Variants in SGCD observed in about 807,000 individuals in gnomAD.
The protein encoded by SGCD is delta-sarcoglycan.
Under a neutral mutation model 36.6 loss-of-function variants are expected in SGCD, and 18 were observed. The observed-to-expected ratio is 0.49, with a 90% CI of 0.34 to 0.73. The LOEUF is 0.73. Among genes scored for constraint, SGCD ranks in the 30% least tolerant of loss-of-function variants. The pLI is 0.01. For synonymous variants in SGCD, 133 were observed against 130.6 expected, an observed-to-expected ratio of 1.02 and a Z score of -0.12; for missense variants, 387 against 346.7, an observed-to-expected ratio of 1.12 and a Z score of -0.92.
intron 1 of SGCD, among the ~76,000 whole-genome samples, chr5:156,067,811 C>A (rs1205178170): frequency 7.2e-6 from 1 of 139,108 alleles, no homozygotes; most frequent in Non-Finnish European, 1.5e-5. Flanking sequence ...GCGCACGGTG[C>A]GCACACACAC....
intron 3 of SGCD, among the ~76,000 whole-genome samples, chr5:156,422,180 G>C (rs10476390): frequency 0.47 from 70,777 of 151,804 alleles, 16,684 homozygotes; most frequent in Middle Eastern, 0.59. Context: ...ACTGTTTGCT[G>C]TGAGCAGGAG....
chr5:155,769,551 GC>G, the SGCD span, among the ~76,000 whole-genome samples: 29 of 152,070 alleles, frequency 1.9e-4, no homozygotes, highest in African/African-American at 7.0e-4. Context: ...TTGAATGGTA[GC>G]CAGGATGGAA....
chr5:156,688,634 A>G (rs1272246887), intron 7 of SGCD, among the ~76,000 whole-genome samples: 1 of 152,216 alleles, frequency 6.6e-6, no homozygotes, highest in Non-Finnish European at 1.5e-5. Context: ...GTCTGATCAC[A>G]GTGAAGAAAC....
At chr5:156,461,204 G>A (rs1400447316) in intron 3 of SGCD, among the ~76,000 whole-genome samples, 3 of 152,124 alleles carry the variant, frequency 2.0e-5, no homozygotes, top group East Asian at 1.9e-4. Flanking sequence ...ATGTAAAAAT[G>A]TCAGAATATG....
At chr5:155,773,576 A>G in the SGCD span, among the ~76,000 whole-genome samples, 2 of 152,236 alleles carry the variant, frequency 1.3e-5, no homozygotes, top group African/African-American at 2.4e-5. Flanking sequence ...GGGTATTGTC[A>G]TTGCCCAGGA....
the SGCD span, among the ~76,000 whole-genome samples, chr5:155,759,070 A>G: frequency 6.6e-6 from 1 of 151,796 alleles, no homozygotes; most frequent in Non-Finnish European, 1.5e-5. Flanking sequence ...TCAAACTTCT[A>G]GGCTCAAGTG....
chr5:156,287,701 A>T (rs1372034448), intron 3 of SGCD, among the ~76,000 whole-genome samples: 1 of 151,622 alleles, frequency 6.6e-6, no homozygotes, highest in African/African-American at 2.4e-5. Flanking sequence ...ATGTATATAT[A>T]TTCATCGATA....
At chr5:155,731,485 C>T in the SGCD span, among the ~76,000 whole-genome samples, 11 of 152,058 alleles carry the variant, frequency 7.2e-5, no homozygotes, top group African/African-American at 2.4e-4. Context: ...AGTAGCCAGC[C>T]CTTGGTTCAT....
At chr5:156,229,277 CATATATATATAT>C (rs570200528) in intron 3 of SGCD, among the ~76,000 whole-genome samples, 3 of 56,476 alleles carry the variant, frequency 5.3e-5, no homozygotes, top group Non-Finnish European at 9.9e-5. Context: ...TATATACATA[CATATATATATAT>C]ATATATATAT....
intron 7 of SGCD, among the ~76,000 whole-genome samples, chr5:156,673,487 T>C (rs1360349118): frequency 6.6e-6 from 1 of 152,212 alleles, no homozygotes; most frequent in Admixed American, 6.5e-5. Flanking sequence ...TACCCAGTTA[T>C]ACCTTTCATT....
chr5:155,975,348 A>G (rs1306870146), intron 1 of SGCD, among the ~76,000 whole-genome samples: 1 of 152,112 alleles, frequency 6.6e-6, no homozygotes, highest in Non-Finnish European at 1.5e-5. Flanking sequence ...ATTTGGCAGT[A>G]TCTGGAGACT....
chr5:156,232,481 T>C (rs1009726303), intron 3 of SGCD, among the ~76,000 whole-genome samples: 26 of 152,334 alleles, frequency 1.7e-4, no homozygotes, highest in African/African-American at 6.3e-4. Context: ...ACCCGTCTTA[T>C]ATTTGTGAGC....
At chr5:156,696,050 G>T (rs1404564440) in intron 7 of SGCD, among the ~76,000 whole-genome samples, 1 of 152,190 alleles carries the variant, frequency 6.6e-6, no homozygotes, top group Non-Finnish European at 1.5e-5. Flanking sequence ...TTTACAACCT[G>T]TTCTGGGTAC....
intron 1 of SGCD, among the ~76,000 whole-genome samples, chr5:156,036,720 T>C (rs966760728): frequency 6.6e-6 from 1 of 152,208 alleles, no homozygotes; most frequent in African/African-American, 2.4e-5. Context: ...GGAATTTCCC[T>C]TGGAGAGACT....
chr5:156,473,138 G>A (rs535316214), intron 3 of SGCD, among the ~76,000 whole-genome samples: 16 of 152,032 alleles, frequency 1.1e-4, no homozygotes, highest in Admixed American at 4.6e-4. Flanking sequence ...TATTTCAGCC[G>A]TTTGCCTCTT....
chr5:156,460,536 A>G (rs1409013014), intron 3 of SGCD, among the ~76,000 whole-genome samples: 1 of 152,178 alleles, frequency 6.6e-6, no homozygotes, highest in Non-Finnish European at 1.5e-5. Context: ...GAGACCAGAC[A>G]GTGATGGATC....
At chr5:155,978,363 C>G (rs964746079) in intron 1 of SGCD, among the ~76,000 whole-genome samples, 11 of 152,188 alleles carry the variant, frequency 7.2e-5, no homozygotes, top group Admixed American at 3.3e-4. Flanking sequence ...TGGAGTGGGA[C>G]AGGGTGGGAG....
At chr5:156,656,470 A>G (rs1022936551) in intron 7 of SGCD, among the ~76,000 whole-genome samples, 1 of 152,116 alleles carries the variant, frequency 6.6e-6, no homozygotes, top group Non-Finnish European at 1.5e-5. Flanking sequence ...AAACCAACAA[A>G]TAGGTCTTAT....
At chr5:156,070,033 G>C (rs1445650846) in intron 1 of SGCD, among the ~76,000 whole-genome samples, 1 of 151,852 alleles carries the variant, frequency 6.6e-6, no homozygotes, top group Non-Finnish European at 1.5e-5. Flanking sequence ...ATTTTGGGCT[G>C]AGACAATGGG....
Sources: gnomAD v4.1 joint callset for allele counts (sites outside exome capture counted in the v4.1 genomes callset) on GRCh38, gnomAD v4.1.1 for gene constraint, MANE v1.5 for transcripts, NCBI Gene and HGNC (gene_info 2026-07-23, HGNC 2026-07-21) for gene names.